The following CDH4 variants were observed in gnomAD, a reference collection of about 807,000 sequenced individuals.
CDH4 encodes cadherin-4.
Under a neutral mutation model 86.0 loss-of-function variants are expected in CDH4, and 33 were observed. The ratio of observed to expected loss-of-function variants is 0.38; its 90% CI spans 0.29 to 0.51. The LOEUF is 0.51. CDH4 is among the 20% of genes least tolerant of loss of function. The pLI is 0.86. For missense variants in CDH4, 1,114 were observed against 1,307.4 expected (o/e 0.85, Z 2.28); for synonymous variants, 555 against 549.4 (o/e 1.01, Z -0.14).
At chr20:61,715,468 A>C (rs2087942756) in intron 2 of CDH4, among the ~76,000 whole-genome samples, 1 of 152,148 alleles carries the variant, frequency 6.6e-6, no homozygotes, top group South Asian at 2.1e-4. Flanking sequence ...AAGGCATCAC[A>C]TGGTGACCAG....
At chr20:61,539,060 AGCAGATCC>A (rs2086019655) in intron 2 of CDH4, among the ~76,000 whole-genome samples, 1 of 152,180 alleles carries the variant, frequency 6.6e-6, no homozygotes, top group South Asian at 2.1e-4. Flanking sequence ...TGGGATCCAC[AGCAGATCC>A]GCAGCGGGTC....
intron 2 of CDH4, among the ~76,000 whole-genome samples, chr20:61,666,510 G>C (rs1473920656): frequency 6.6e-6 from 1 of 152,230 alleles, no homozygotes; most frequent in African/African-American, 2.4e-5. Context: ...ACTCCCTACA[G>C]AGGGAGGATG....
intron 2 of CDH4, chr20:61,570,493 C>A: frequency 1.7e-6 from 1 of 590,018 alleles, no homozygotes. Context: ...TCCCTCGCAG[C>A]CCCTGCTCTC....
At chr20:61,790,678 A>G (rs1979134989) in intron 4 of CDH4, among the ~76,000 whole-genome samples, 1 of 149,398 alleles carries the variant, frequency 6.7e-6, no homozygotes, top group South Asian at 2.1e-4. Flanking sequence ...CCATCCATCC[A>G]TTCATCTCTC....
chr20:61,529,880 C>G (rs1184862431), intron 2 of CDH4, among the ~76,000 whole-genome samples: 1 of 152,148 alleles, frequency 6.6e-6, no homozygotes, highest in Non-Finnish European at 1.5e-5. Context: ...CTATGTCACC[C>G]AGGCTAGAGT....
At chr20:61,924,055 G>A (rs946276140) in intron 10 of CDH4, among the ~76,000 whole-genome samples, 4 of 152,228 alleles carry the variant, frequency 2.6e-5, no homozygotes, top group Non-Finnish European at 4.4e-5. Context: ...CAATGAGGGC[G>A]TCTGCCCACA....
intron 2 of CDH4, among the ~76,000 whole-genome samples, chr20:61,524,021 G>C (rs1165059362): frequency 6.6e-6 from 1 of 152,192 alleles, no homozygotes; most frequent in East Asian, 1.9e-4. Context: ...AGCCACTTGT[G>C]AACTGTAGGG....
In CDH4 at chr20:61,600,064, T is replaced by C. The variant is rs1455076508; in HGVS notation, c.170-143499T>C. On this transcript the variant is annotated intron_variant, in intron 2 of 15. Coordinates refer to ENST00000614565, the MANE Select transcript of CDH4 (RefSeq NM_001794.5). ...AGAGCCTCTCTATTTGAACAGACTG[T>C]CTGACTCTCCGGGGATGGTTTTCAA... is the stretch of plus-strand genomic sequence containing the variant. 7 of 617,204 alleles carry C rather than the reference T, an allele frequency of 1.1e-5. No homozygotes were observed. In the African/African-American group the frequency reaches 1.4e-4, roughly 12 times the overall value. The allele number at this position is 617,204 out of a possible 1,614,324, so 38.2% of individuals were successfully genotyped here. A position where few individuals can be genotyped will look rare whatever the true frequency, so the allele number is the denominator to read the frequency against.
Position 61,663,437 on chromosome 20 carries a change from A to T in CDH4, c.170-80126A>T, listed in dbSNP as rs1388525055. 6.6e-6 allele frequency among the ~76,000 whole-genome samples: 1 copy of T among 152,334 alleles called. No individual in the cohort carries two copies. The highest frequency in any genetic ancestry group is 2.1e-4 in the South Asian group (1 of 4,824). On this transcript the variant is annotated intron_variant, in intron 2 of 15. Coordinates refer to ENST00000614565, the MANE Select transcript of CDH4 (RefSeq NM_001794.5). The surrounding 1 kb of genome is among the most constrained non-coding windows in gnomAD (Gnocchi z 5.0). ...TAGAAAAAGAGCTGCGTAAAAGACA[A>T]TAATTCTGAAGGCTCTGGGTCGGGG...
At chr20:61,659,491 C>T (rs542272668) in intron 2 of CDH4, among the ~76,000 whole-genome samples, 1 of 152,172 alleles carries the variant, frequency 6.6e-6, no homozygotes. Context: ...GAGCTCTGGC[C>T]TGGCTTTCAA....
intron 2 of CDH4, among the ~76,000 whole-genome samples, chr20:61,566,094 G>A (rs373441568): frequency 1.3e-5 from 2 of 152,156 alleles, no homozygotes; most frequent in East Asian, 3.9e-4. Flanking sequence ...GCCTCGGGCT[G>A]AGTCTCCTGC....
Position 61,516,443 on chromosome 20 carries a change from G to A in CDH4, c.170-227120G>A, listed in dbSNP as rs564830899. Among the ~76,000 whole-genome samples the A allele has an allele frequency of 6.6e-5, 10 of 152,240 alleles. No individual in the cohort carries two copies. The highest frequency in any genetic ancestry group is 2.1e-4 in the South Asian group (1 of 4,808). On this transcript the variant is annotated intron_variant, in intron 2 of 15. Coordinates refer to ENST00000614565, the MANE Select transcript of CDH4 (RefSeq NM_001794.5). The surrounding 1 kb of genome is among the most constrained non-coding windows in gnomAD (Gnocchi z 4.0). ...ACTCCTCATCACCAGATGCCGCTGC[G>A]GCTTCCATTTTACAGACCGGGAGGC...
At chr20:61,824,479 G>A (rs139181506) in intron 4 of CDH4, among the ~76,000 whole-genome samples, 1 of 152,280 alleles carries the variant, frequency 6.6e-6, no homozygotes, top group Non-Finnish European at 1.5e-5. Context: ...TCATTACAGG[G>A]TCACAGGTCT....
intron 2 of CDH4, among the ~76,000 whole-genome samples, chr20:61,389,293 A>C (rs997871594): frequency 6.6e-6 from 1 of 152,106 alleles, no homozygotes; most frequent in Non-Finnish European, 1.5e-5. Flanking sequence ...GGCCTGTCTC[A>C]GATGTTCTTT....
chr20:61,939,646 C>T lies in CDH4; in HGVS notation c.*2703C>T, dbSNP rs1288889089. The T allele has an allele frequency of 1.3e-5, 2 of 152,282 alleles. No individual in the cohort carries two copies. Among genetic ancestry groups the T allele is most frequent in the South Asian group, 2.1e-4 (1 of 4,836 alleles). 9.4% of individuals were successfully genotyped at this position (152,282 alleles called of 1,614,324 possible). ...TCTCTCTTCCTTAAGCTTGTAGATA[C>T]GACTGCCTATAATCAGGGGACTCCC... On this transcript the variant is annotated 3_prime_UTR_variant, in exon 16 of 16. Transcript: ENST00000614565.
chr20:61,797,497 G>C (rs1403630693), intron 4 of CDH4, among the ~76,000 whole-genome samples: 1 of 152,238 alleles, frequency 6.6e-6, no homozygotes, highest in Non-Finnish European at 1.5e-5. Flanking sequence ...TGGTGGGCTT[G>C]ATAAAAACAT....
chr20:61,726,836 CCATCATCACCATCACTGCCAT>C (rs1414321618), intron 2 of CDH4, among the ~76,000 whole-genome samples: 1 of 144,954 alleles, frequency 6.9e-6, no homozygotes, highest in Non-Finnish European at 1.5e-5. Flanking sequence ...ACCATCACTG[CCATCATCACCATCACTGCCAT>C]CATCATCACC....
chr20:61,273,972 T>TG (rs1491497047), intron 2 of CDH4, among the ~76,000 whole-genome samples: 6 of 54,312 alleles, frequency 1.1e-4, no homozygotes, highest in Non-Finnish European at 2.2e-4. Context: ...TGTGCAGTTT[T>TG]GGGGGGTACC....
chr20:61,900,732 G>A (rs973571785), intron 8 of CDH4, among the ~76,000 whole-genome samples: 37 of 152,290 alleles, frequency 2.4e-4, no homozygotes, highest in Non-Finnish European at 4.4e-4. Context: ...GGGAGAGATG[G>A]GGCCCAGGGG....
Sources: allele counts gnomAD v4.1 joint callset (sites outside exome capture counted in the v4.1 genomes callset), GRCh38; gene constraint gnomAD v4.1.1; non-coding constraint Gnocchi (gnomAD v3.1); transcripts MANE v1.5; gene names NCBI Gene and HGNC (gene_info 2026-07-23, HGNC 2026-07-21).